IGSF11: variants seen among roughly 807,000 people sequenced by gnomAD.
The protein encoded by IGSF11 is CXADR like 1.
IGSF11 carries 22 observed loss-of-function variants against 41.0 expected under a neutral mutation model. The observed-to-expected ratio is 0.54, with a 90% confidence interval of 0.38 to 0.77. The LOEUF (loss-of-function observed/expected upper bound fraction) is 0.77, where lower values mean the gene tolerates loss of function less well. IGSF11 is among the 30% of genes least tolerant of loss of function. IGSF11 has a pLI of 0.00. For missense variants in IGSF11, 444 were observed against 530.8 expected (o/e 0.84, Z 1.61); for synonymous variants, 219 against 201.3 (o/e 1.09, Z -0.74).
At position 119,094,923 on chromosome 3, in the gene IGSF11, C is replaced by T. The variant is rs1418838595; in HGVS notation, c.49+10221G>A. ...CTGACCTCAGATGATCCAGCCGCCT[C>T]GGCCTCCCAAAGTGCTGGGATTACA... is the stretch of plus-strand genomic sequence containing the variant. On this transcript the variant is annotated intron_variant, in intron 1 of 6. Coordinates refer to the IGSF11 transcript ENST00000354673. 4.6e-5 allele frequency among the ~76,000 whole-genome samples: 7 copies of T among 152,074 alleles called. 1 individual carries two copies. Among genetic ancestry groups the T allele is most frequent in the East Asian group, 3.9e-4 (2 of 5,164 alleles).
chr3:119,023,572 C>T (rs2107717883), intron 1 of IGSF11, among the ~76,000 whole-genome samples: 1 of 152,228 alleles, frequency 6.6e-6, no homozygotes, highest in Non-Finnish European at 1.5e-5. Flanking sequence ...CATATGTAAA[C>T]TGCCACATAT....
intron 1 of IGSF11, among the ~76,000 whole-genome samples, chr3:119,045,313 G>C (rs541243250): frequency 6.6e-6 from 1 of 152,236 alleles, no homozygotes; most frequent in Admixed American, 6.5e-5. Context: ...GAAGCAGGGC[G>C]AGGCATTGCC....
Position 119,034,667 on chromosome 3 carries a change from G to C in IGSF11, c.-85C>G. 1 of 1,453,178 alleles carries C rather than the reference G, an allele frequency of 6.9e-7. No homozygotes were observed. Among genetic ancestry groups the C allele is most frequent in the Non-Finnish European group, 9.1e-7 (1 of 1,094,682 alleles). 90.0% of individuals were successfully genotyped at this position (1,453,178 alleles called of 1,614,324 possible). On this transcript the variant is annotated 5_prime_UTR_variant, in exon 1 of 7. Coordinates refer to ENST00000393775, the MANE Select transcript of IGSF11 (RefSeq NM_001015887.3). ...AGCGGGCGTGAGTCTCCGCGCTCTTGGGGCAGCCTGGTCCTCCCACACCCA... is the reference window on the plus strand; with the variant it reads ...AGCGGGCGTGAGTCTCCGCGCTCTTCGGGCAGCCTGGTCCTCCCACACCCA...
At chr3:119,004,574 T>C (rs1219625442) in intron 1 of IGSF11, among the ~76,000 whole-genome samples, 1 of 142,632 alleles carries the variant, frequency 7.0e-6, no homozygotes, top group Non-Finnish European at 1.5e-5. Flanking sequence ...ATTTTGGATC[T>C]TTCCTGCTTT....
At chr3:118,903,767 A>G (rs1016669233) in intron 6 of IGSF11, among the ~76,000 whole-genome samples, 1 of 152,234 alleles carries the variant, frequency 6.6e-6, no homozygotes, top group Non-Finnish European at 1.5e-5. Context: ...CCTATAGTCA[A>G]TGAGGGTAGT....
intron 1 of IGSF11, among the ~76,000 whole-genome samples, chr3:118,978,837 T>C (rs755062773): frequency 2.0e-5 from 3 of 152,134 alleles, no homozygotes; most frequent in Non-Finnish European, 4.4e-5. Context: ...TTACACCAGA[T>C]GCACAGATAC....
chr3:119,114,827 C>T (rs1203650616), intron 1 of IGSF11, among the ~76,000 whole-genome samples: 1 of 152,280 alleles, frequency 6.6e-6, no homozygotes, highest in South Asian at 2.1e-4. Context: ...TCAAGAAGTA[C>T]CTAACACTGG....
intron 1 of IGSF11, among the ~76,000 whole-genome samples, chr3:118,936,570 T>C (rs1943302805): frequency 4.6e-5 from 7 of 152,114 alleles, no homozygotes. Context: ...AAATGCATAA[T>C]TTAAGAGCCA....
At chr3:119,094,223 T>TTAAAAAAAAAAAAAAAAAAAA (rs1491294473) in intron 1 of IGSF11, among the ~76,000 whole-genome samples, 3 of 35,066 alleles carry the variant, frequency 8.6e-5, no homozygotes, top group Non-Finnish European at 1.7e-4. Context: ...CATAGCGAAG[T>TTAAAAAAAAAAAAAAAAAAAA]AAAAAAAAAA....
At chr3:118,942,417 TA>T (rs1311384546) in intron 1 of IGSF11, among the ~76,000 whole-genome samples, 2 of 152,238 alleles carry the variant, frequency 1.3e-5, no homozygotes, top group African/African-American at 2.4e-5. Flanking sequence ...CTATCTGTGC[TA>T]GCAATAGAAG....
chr3:119,094,671 AT>A (rs59894832), intron 1 of IGSF11, among the ~76,000 whole-genome samples: 10,254 of 137,450 alleles, frequency 0.075, 461 homozygotes, highest in African/African-American at 0.13. Flanking sequence ...GAGCAACTCT[AT>A]TTTTTTTTTT....
upstream of IGSF11, among the ~76,000 whole-genome samples, chr3:119,036,211 T>C (rs185827569): frequency 5.3e-5 from 8 of 152,352 alleles, no homozygotes; most frequent in East Asian, 1.5e-3. Flanking sequence ...ACTTCCAACT[T>C]GCTAGAATTC....
At chr3:119,056,740 C>T (rs368069689) in intron 1 of IGSF11, among the ~76,000 whole-genome samples, 2 of 152,058 alleles carry the variant, frequency 1.3e-5, no homozygotes, top group Non-Finnish European at 2.9e-5. Context: ...ACTGGCAAAC[C>T]GAATCCAGCA....
intron 1 of IGSF11, among the ~76,000 whole-genome samples, chr3:118,975,047 C>A (rs139108964): frequency 6.6e-6 from 1 of 152,154 alleles, no homozygotes; most frequent in African/African-American, 2.4e-5. Context: ...ACCCTCCTTC[C>A]ATGACCAATA....
chr3:119,004,472 C>T (rs1424448172), intron 1 of IGSF11, among the ~76,000 whole-genome samples: 1 of 150,352 alleles, frequency 6.7e-6, no homozygotes, highest in Non-Finnish European at 1.5e-5. Context: ...TTCAGTTCTG[C>T]TCTGATTTTA....
chr3:119,014,892 A>C (rs1368603867), intron 1 of IGSF11, among the ~76,000 whole-genome samples: 5 of 152,214 alleles, frequency 3.3e-5, no homozygotes, highest in Non-Finnish European at 7.3e-5. Flanking sequence ...ATCAACATTA[A>C]ACCTTCAGAA....
chr3:119,045,281 G>T (rs185152299), intron 1 of IGSF11, among the ~76,000 whole-genome samples: 3,331 of 152,312 alleles, frequency 0.022, 127 homozygotes, highest in African/African-American at 0.072. Context: ...AGGTCAGTGG[G>T]TGCGTGCACC....
chr3:119,076,607 A>G (rs1305615596), intron 1 of IGSF11, among the ~76,000 whole-genome samples: 2 of 152,304 alleles, frequency 1.3e-5, no homozygotes, highest in Admixed American at 6.5e-5. Context: ...CAAAGGATAC[A>G]AACAGACACT....
At chr3:119,023,068 C>G (rs1939452066) in intron 1 of IGSF11, among the ~76,000 whole-genome samples, 1 of 151,902 alleles carries the variant, frequency 6.6e-6, no homozygotes, top group Non-Finnish European at 1.5e-5. Context: ...ATGAGACCAG[C>G]CTGGCCAACA....
Sources: gnomAD v4.1 joint callset for allele counts (sites outside exome capture counted in the v4.1 genomes callset) on GRCh38, gnomAD v4.1.1 for gene constraint, MANE v1.5 for transcripts, NCBI Gene and HGNC (gene_info 2026-07-23, HGNC 2026-07-21) for gene names.